Variants in TMEM145 observed in about 807,000 individuals in gnomAD.
The protein encoded by TMEM145 is transmembrane protein 145.
In TMEM145, 46 loss-of-function variants were observed where a neutral mutation model predicts 68.5. That is an observed-to-expected ratio of 0.67 (90% confidence interval 0.53 to 0.86). The LOEUF is 0.86. Among genes scored for constraint, TMEM145 ranks in the 40% least tolerant of loss-of-function variants. The pLI is 0.00. For missense variants in TMEM145, 570 were observed against 645.8 expected (o/e 0.88, Z 1.27); for synonymous variants, 255 against 280.2 (o/e 0.91, Z 0.90).
Position 42,314,820 on chromosome 19 carries a change from T to C in TMEM145, c.389T>C (p.Leu130Pro). The C allele has an allele frequency of 1.1e-5, 18 of 1,614,200 alleles. No homozygotes were observed. The highest frequency in any genetic ancestry group is 1.4e-5 in the Non-Finnish European group (17 of 1,180,032). Residue 130 changes from leucine (L) to proline (P), a missense_variant, in exon 5 of 15, where the codon CTG becomes CCG. Coordinates refer to ENST00000301204, the MANE Select transcript of TMEM145 (RefSeq NM_173633.3). ...GTATCAGAGGAGGGAACCCGCTACC[T>C]GAGCTGCTCCAGTGGCCGCAGCTTC... The part of the protein sequence containing the change: ...QVVSEEGTRY[L>P]SCSSGRSFRS...
In TMEM145 at chr19:42,324,335, G is replaced by A. The variant is rs1455181056; in HGVS notation, c.1402-402G>A. The A allele has an allele frequency of 1.2e-5, 12 of 985,138 alleles. No homozygotes were observed. The East Asian group carries it at 1.3e-3, about 103-fold the overall frequency. The allele number at this position is 985,138 out of a possible 1,614,324, so 61.0% of individuals were successfully genotyped here. A position where few individuals can be genotyped will look rare whatever the true frequency, so the allele number is the denominator to read the frequency against. On this transcript the variant is annotated intron_variant, in intron 14 of 14. Coordinates refer to ENST00000301204, the MANE Select transcript of TMEM145 (RefSeq NM_173633.3). ...GGCGGCGGTGGCCCCGAGGGGCCGCGTGGTGACCATGGCCGAGCCGGGCGC... is the reference window on the plus strand; with the variant it reads ...GGCGGCGGTGGCCCCGAGGGGCCGCATGGTGACCATGGCCGAGCCGGGCGC...
In TMEM145 at chr19:42,316,722, A is replaced by G; in HGVS notation, c.788A>G (p.Lys263Arg). 6.5e-7 allele frequency: 1 copy of G among 1,534,428 alleles called. No homozygotes were observed. Among genetic ancestry groups the G allele is most frequent in the Non-Finnish European group, 8.8e-7 (1 of 1,131,884 alleles). ...CTGCTGATGCTTATCCTCCTGGGGA[A>G]GGGATTCACGGTGACACGGTGCCCG... ...IFLLMLILLGKGFTVTRGRIS... is the reference protein window; with the variant it reads ...IFLLMLILLGRGFTVTRGRIS... Residue 263 changes from lysine to arginine, a missense_variant, in exon 10 of 15, where the codon AAG (lysine) becomes AGG (arginine). Transcript: ENST00000301204.
intron 11 of TMEM145, 25 bp downstream of exon 11, chr19:42,316,988 G>A (rs1040043499): frequency 2.0e-5 from 32 of 1,603,822 alleles, no homozygotes; most frequent in Non-Finnish European, 2.5e-5. Flanking sequence ...CCCCTGGCCG[G>A]GCCCTGCCTT....
chr19:42,323,621 G>A lies in TMEM145; in HGVS notation c.1233G>A (p.Pro411=). ...CATCAGCGGCCAACAAGAACTTCCC[G>A]TACCACGTGCGCACGTCGCAGATCG... ...TRPSAANKNF[P]YHVRTSQIAS... is the part of the protein sequence containing the mutation. The change falls in exon 14 of 15, where the codon CCG becomes CCA. Residue 411 remains proline, a synonymous_variant. Coordinates refer to ENST00000301204, the MANE Select transcript of TMEM145 (RefSeq NM_173633.3). 1 of 1,614,092 alleles carries A rather than the reference G, an allele frequency of 6.2e-7. No homozygotes were observed. The highest frequency in any genetic ancestry group is 8.5e-7 in the Non-Finnish European group (1 of 1,180,018).
chr19:42,322,888 A>G (rs1031085984), intron 13 of TMEM145, among the ~76,000 whole-genome samples: 3 of 152,024 alleles, frequency 2.0e-5, no homozygotes, highest in Non-Finnish European at 2.9e-5. Flanking sequence ...TTTAGTAGAG[A>G]TGGAGTTTCA....
intron 10 of TMEM145, 57 bp downstream of exon 10, chr19:42,316,797 G>T (rs1163474665): frequency 6.2e-7 from 1 of 1,609,204 alleles, no homozygotes; most frequent in Non-Finnish European, 8.5e-7. Flanking sequence ...GCAGGGGCAG[G>T]GTTGGGGGGC....
intron 14 of TMEM145, 22 bp downstream of exon 14, chr19:42,323,811 C>T: frequency 3.1e-6 from 5 of 1,609,654 alleles, no homozygotes; most frequent in Non-Finnish European, 4.2e-6. Context: ...GGCCCCAGCG[C>T]CCGAGGAGCT....
intron 13 of TMEM145, among the ~76,000 whole-genome samples, chr19:42,322,416 G>A (rs1004437946): frequency 2.6e-5 from 4 of 152,188 alleles, no homozygotes; most frequent in Non-Finnish European, 4.4e-5. Context: ...TCCCAGAGGC[G>A]GGATGCAGGC....
Position 42,324,905 on chromosome 19 carries a change from G to C in TMEM145, c.*88G>C, listed in dbSNP as rs1226261351. 6.6e-6 allele frequency: 9 copies of C among 1,366,014 alleles called. No individual in the cohort carries two copies. The highest frequency in any genetic ancestry group is 8.5e-6 in the Non-Finnish European group (9 of 1,060,998). 84.6% of individuals were successfully genotyped at this position (1,366,014 alleles called of 1,614,324 possible). A position where few individuals can be genotyped will look rare whatever the true frequency, so the allele number is the denominator to read the frequency against. ...TCTGCGACCCCGGGATGGATATTGC[G>C]ATGCTGGTCTCGACCCTGAAACCCT... On this transcript the variant is annotated 3_prime_UTR_variant, in exon 15 of 15. Coordinates refer to ENST00000301204, the MANE Select transcript of TMEM145 (RefSeq NM_173633.3).
At chr19:42,323,216 G>C (rs1251040342) in intron 13 of TMEM145, among the ~76,000 whole-genome samples, 4 of 152,232 alleles carry the variant, frequency 2.6e-5, no homozygotes, top group African/African-American at 9.6e-5. Flanking sequence ...TTGAGCACTT[G>C]AATGTGGGTA....
chr19:42,324,517 C>G, intron 14 of TMEM145: 1 of 985,406 alleles, frequency 1.0e-6, no homozygotes, highest in Non-Finnish European at 1.2e-6. Context: ...GCACTGCACC[C>G]CCGGTCTGAG....
chr19:42,315,148 T>C, intron 6 of TMEM145, 40 bp from the exon 7 acceptor site: 1 of 1,614,086 alleles, frequency 6.2e-7, no homozygotes, highest in South Asian at 1.1e-5. Flanking sequence ...TGAGGGGACA[T>C]CCACCTGAAT....
At chr19:42,321,176 G>A (rs2038907525) in intron 13 of TMEM145, 1 of 398,458 alleles carries the variant, frequency 2.5e-6, no homozygotes, top group Non-Finnish European at 4.4e-6. Context: ...GGTGGCACAG[G>A]GTGAAGCTTT....
chr19:42,319,537 C>G (rs2038891572), intron 12 of TMEM145, among the ~76,000 whole-genome samples: 1 of 152,086 alleles, frequency 6.6e-6, no homozygotes, highest in South Asian at 2.1e-4. Context: ...ACCTCCGCCT[C>G]CTAAATTCAA....
intron 12 of TMEM145, among the ~76,000 whole-genome samples, chr19:42,319,951 G>T (rs1029375384): frequency 6.7e-6 from 1 of 150,024 alleles, no homozygotes; most frequent in Non-Finnish European, 1.5e-5. Flanking sequence ...TAGAGACGGG[G>T]TGTCACCATG....
intron 13 of TMEM145, among the ~76,000 whole-genome samples, chr19:42,320,888 C>T (rs1255534922): frequency 2.0e-5 from 3 of 152,168 alleles, no homozygotes; most frequent in African/African-American, 7.2e-5. Flanking sequence ...CTCAGCCTCC[C>T]AAAGTGCTGG....
rs760542988 is a variant in TMEM145 at position 42,314,903 on chromosome 19, T to G, written c.420+52T>G. 21 of 1,614,018 alleles carry G rather than the reference T, an allele frequency of 1.3e-5. No individual in the cohort carries two copies. The South Asian group carries it at 2.3e-4, about 18-fold the overall frequency. ...GCTCAGCAAGTGTGGGGTAAGGGGC[T>G]GGGGTGGCCACCTGGACCACCTTCT... is the stretch of plus-strand genomic sequence containing the variant. On this transcript the variant is annotated intron_variant, in intron 5 of 14. Coordinates refer to ENST00000301204, the MANE Select transcript of TMEM145 (RefSeq NM_173633.3).
At chr19:42,314,246 A>G in intron 1 of TMEM145, 26 bp from the exon 2 acceptor site, 1 of 1,613,512 alleles carries the variant, frequency 6.2e-7, no homozygotes, top group South Asian at 1.1e-5. Flanking sequence ...GACTCAGCGG[A>G]GGGTCAGACT....
At position 42,313,584 on chromosome 19, in the gene TMEM145, C is replaced by A; in HGVS notation, c.120+88C>A. On this transcript the variant is annotated intron_variant, in intron 1 of 14. Coordinates refer to ENST00000301204, the MANE Select transcript of TMEM145 (RefSeq NM_173633.3). The surrounding 1 kb of genome is among the most constrained non-coding windows in gnomAD (Gnocchi z 5.1). Reference sequence around the variant, plus strand: ...GGAGCGGGTACCGCCTCGCCCCCTGCCGCCCCTCCTGGCGGACTCCGGGAG... The same window carrying A: ...GGAGCGGGTACCGCCTCGCCCCCTGACGCCCCTCCTGGCGGACTCCGGGAG... 9.5e-7 allele frequency: 1 copy of A among 1,056,404 alleles called. No homozygotes were observed. The highest frequency in any genetic ancestry group is 1.2e-6 in the Non-Finnish European group (1 of 822,960). 65.4% of individuals were successfully genotyped at this position (1,056,404 alleles called of 1,614,324 possible).
Sources: allele counts gnomAD v4.1 joint callset (sites outside exome capture counted in the v4.1 genomes callset), GRCh38; gene constraint gnomAD v4.1.1; non-coding constraint Gnocchi (gnomAD v3.1); transcripts MANE v1.5; gene names NCBI Gene and HGNC (gene_info 2026-07-23, HGNC 2026-07-21).